Variants in ALDH16A1 observed in about 807,000 individuals in gnomAD.
ALDH16A1 encodes aldehyde dehydrogenase family 16 member A1.
Under a neutral mutation model 96.1 loss-of-function variants are expected in ALDH16A1, and 88 were observed. That is an observed-to-expected ratio of 0.92 (90% CI 0.77 to 1.09). The LOEUF (loss-of-function observed/expected upper bound fraction) is 1.09, where lower values mean the gene tolerates loss of function less well. Among genes scored for constraint, ALDH16A1 ranks in the 50% least tolerant of loss-of-function variants. The pLI, the probability that ALDH16A1 is intolerant of heterozygous loss-of-function variation, is 0.00. For synonymous variants in ALDH16A1, 522 were observed against 496.4 expected (o/e 1.05, Z -0.69); for missense variants, 1,250 against 1,112.6 (o/e 1.12, Z -1.76).
In ALDH16A1 at chr19:49,464,242, AG is replaced by A; in HGVS notation, c.1312del (p.Ala438ArgfsTer64). On this transcript the variant is annotated frameshift_variant, in exon 10 of 17. Coordinates refer to ENST00000293350, the MANE Select transcript of ALDH16A1 (RefSeq NM_153329.4). LOFTEE classifies it high-confidence loss of function. The stretch of plus-strand genomic sequence containing the variant: ...AGTGTGTGGAGCGAGAGGCTGGGGC[AG>A]GCGCTGGAGCTGGGCTATGGGTCAG... ...SASVWSERLG[Q>X]ALELGYGLQV... 1 of 1,602,904 alleles carries A rather than the reference AG, an allele frequency of 6.2e-7. No homozygotes were observed. The highest frequency in any genetic ancestry group is 8.5e-7 in the Non-Finnish European group (1 of 1,179,346).
chr19:49,463,744 G>C (rs553005500), intron 8 of ALDH16A1, 110 bp from the exon 9 acceptor site: 48 of 873,894 alleles, frequency 5.5e-5, no homozygotes, highest in Non-Finnish European at 8.7e-5. Context: ...GGGAGGAGGG[G>C]CTGGGGGCCT....
Position 49,460,808 on chromosome 19 carries a change from T to C in ALDH16A1, c.500-14T>C. 1 of 1,603,168 alleles carries C rather than the reference T, an allele frequency of 6.2e-7. No homozygotes were observed. The highest frequency in any genetic ancestry group is 8.5e-7 in the Non-Finnish European group (1 of 1,173,238). On this transcript the variant is annotated splice_polypyrimidine_tract_variant and intron_variant, in intron 4 of 16. Transcript: ENST00000293350. ...AGCCTCAAGGGATCCTCTTGCCTCA[T>C]TTTTTTCTTGCAGGAGTAATTGGCC... is the stretch of plus-strand genomic sequence containing the variant.
At position 49,461,978 on chromosome 19, in the gene ALDH16A1, C is replaced by T. The variant is rs1184857655; in HGVS notation, c.854C>T (p.Ala285Val). The T allele has an allele frequency of 1.1e-5, 17 of 1,553,794 alleles. No homozygotes were observed. Among genetic ancestry groups the T allele is most frequent in the Admixed American group, 7.7e-5 (4 of 52,060 alleles). Residue 285 changes from alanine (A) to valine (V), a missense_variant, in exon 7 of 17, where the codon GCG (alanine) becomes GTG (valine). Physicochemically the swap from Ala to Val is moderately conservative, Grantham distance 64. Coordinates refer to ENST00000293350, the MANE Select transcript of ALDH16A1 (RefSeq NM_153329.4). The part of the protein sequence containing the change: ...TESLLLLTDT[A>V]DVDSAVEGVV... ...TCGCTGCTGCTGCTGACGGACACGG[C>T]GGACGTAGACTCGGCCGTGGAGGGT...
chr19:49,468,532 C>T lies in ALDH16A1; in HGVS notation c.2090C>T (p.Ala697Val), dbSNP rs539901155. 11 of 1,604,624 alleles carry T rather than the reference C, an allele frequency of 6.9e-6. No homozygotes were observed. The highest frequency in any genetic ancestry group is 3.3e-5 in the South Asian group (3 of 91,060). ...AACACTGTGGTCATGGTGCCCAGTG[C>T]GGCCTGTCCTCTGCTGGCCCTGGAG... ...YGNTVVMVPS[A>V]ACPLLALEVC... Residue 697 changes from alanine (A) to valine (V), a missense_variant, in exon 15 of 17, where the codon GCG becomes GTG. Coordinates refer to ENST00000293350, the MANE Select transcript of ALDH16A1 (RefSeq NM_153329.4). This position sits in a 1 kb window ranked among gnomAD's most constrained non-coding sequence, Gnocchi z 4.4.
chr19:49,465,835 G>A lies in ALDH16A1; in HGVS notation c.1666G>A (p.Gly556Ser). The A allele has an allele frequency of 6.2e-7, 1 of 1,614,134 alleles. No homozygotes were observed. Among genetic ancestry groups the A allele is most frequent in the Non-Finnish European group, 8.5e-7 (1 of 1,180,012 alleles). The change falls in exon 13 of 17, where the codon GGC becomes AGC. Residue 556 changes from glycine to serine, a missense_variant. Coordinates refer to ENST00000293350, the MANE Select transcript of ALDH16A1 (RefSeq NM_153329.4). ...CCGGGATTCGTCTGGCAACCTCCAT[G>A]GCTACGTGGCTGAGGGTGGAGCCAA... ...PIRDSSGNLH[G>S]YVAEGGAKDI... is the part of the protein sequence containing the mutation.
chr19:49,461,844 G>T (rs1326396885), intron 6 of ALDH16A1, 40 bp from the exon 7 acceptor site: 4 of 1,598,414 alleles, frequency 2.5e-6, no homozygotes, highest in Admixed American at 1.7e-5. Context: ...GCTGGGGGCC[G>T]CAAGGCTCCT....
rs770453880 is a variant in ALDH16A1, at chr19:49,462,045, C to T, written c.912+9C>T. 3.4e-5 allele frequency: 52 copies of T among 1,537,108 alleles called. No homozygotes were observed. In the East Asian group the frequency reaches 9.0e-4, roughly 27 times the overall value. On this transcript the variant is annotated intron_variant, in intron 7 of 16. Coordinates refer to ENST00000293350, the MANE Select transcript of ALDH16A1 (RefSeq NM_153329.4). ...GGTCCGACCGCGGCCCGGTGAGACC[C>T]GTGCGCTCCCGTCTCCTCATACCCT...
In ALDH16A1 at chr19:49,466,586, C is replaced by T. The variant is rs993122766; in HGVS notation, c.1938+303C>T. Among the ~76,000 whole-genome samples the T allele has an allele frequency of 6.6e-5, 10 of 152,268 alleles. No homozygotes were observed. The East Asian group carries it at 1.4e-3, about 21-fold the overall frequency. ...ATTGCTGTAAAGAAACACCTGGGGG[C>T]GCAGTGGCTCACGCCTGTAATCCCA... On this transcript the variant is annotated intron_variant, in intron 14 of 16. Transcript: ENST00000293350.
At chr19:49,462,309 A>AT (rs1486984167) in intron 7 of ALDH16A1, among the ~76,000 whole-genome samples, 3 of 151,834 alleles carry the variant, frequency 2.0e-5, no homozygotes, top group Non-Finnish European at 4.4e-5. Context: ...TAATTTATGT[A>AT]TTTTTAGTAG....
chr19:49,465,173 G>A lies in ALDH16A1; in HGVS notation c.1568+411G>A, dbSNP rs145446663. Among the ~76,000 whole-genome samples the A allele has an allele frequency of 2.6e-5, 4 of 151,844 alleles. 1 individual carries two copies. The East Asian group carries it at 7.8e-4, about 30-fold the overall frequency. ...GGGAGCAGTTTAGGGTCTACCAGAG[G>A]CTCATGGGAGCAGGAGCTTAGGGTC... is the stretch of plus-strand genomic sequence containing the variant. On this transcript the variant is annotated intron_variant, in intron 12 of 16. Coordinates refer to ENST00000293350, the MANE Select transcript of ALDH16A1 (RefSeq NM_153329.4).
chr19:49,461,576 T>C (rs62128065), intron 5 of ALDH16A1, 43 bp from the exon 6 acceptor site: 30,978 of 741,200 alleles, frequency 0.042, 2,812 homozygotes, highest in Non-Finnish European at 0.054. Context: ...GAGGAGGGGC[T>C]GGGCCTGGAC....
rs1031761356 is a variant in ALDH16A1 at position 49,470,519 on chromosome 19, C to T, written c.*52C>T. 1.4e-6 allele frequency: 2 copies of T among 1,450,792 alleles called. No individual in the cohort carries two copies. The highest frequency in any genetic ancestry group is 1.8e-6 in the Non-Finnish European group (2 of 1,100,570). The allele number at this position is 1,450,792 out of a possible 1,614,324, so 89.9% of individuals were successfully genotyped here. ...GGACACCTCACACCAAGGGGAGATG[C>T]ACCCCACAGACACCTGGGACTTTCC... On this transcript the variant is annotated 3_prime_UTR_variant, in exon 17 of 17. Transcript: ENST00000293350.
At position 49,458,966 on chromosome 19, in the gene ALDH16A1, A is replaced by G. The variant is rs1463747204; in HGVS notation, c.200A>G (p.Asn67Ser). The G allele has an allele frequency of 1.9e-6, 3 of 1,612,744 alleles. No homozygotes were observed. Among genetic ancestry groups the G allele is most frequent in the Non-Finnish European group, 2.5e-6 (3 of 1,179,510 alleles). ...CCCCCACTTTTCTCCCCAGGAGAGA[A>G]CTTGGCCAGTTGCCTGCAGGCACAG... The part of the protein sequence containing the change: ...VPCQDPITGE[N>S]LASCLQAQAE... The change falls in exon 3 of 17, where the codon AAC (asparagine) becomes AGC (serine). Residue 67 changes from asparagine to serine, a missense_variant. Coordinates refer to ENST00000293350, the MANE Select transcript of ALDH16A1 (RefSeq NM_153329.4).
rs377045433 is a variant in ALDH16A1, at chr19:49,468,609, G to A, written c.2124+43G>A. On this transcript the variant is annotated intron_variant, in intron 15 of 16. Coordinates refer to ENST00000293350, the MANE Select transcript of ALDH16A1 (RefSeq NM_153329.4). The surrounding 1 kb of genome is among the most constrained non-coding windows in gnomAD (Gnocchi z 4.4). ...CCTGCCTCTCCTCCCCGTAGCCTCA[G>A]GGCAGCAGAAAAAGGCGCCCCAAAG... 1.1e-4 allele frequency: 177 copies of A among 1,585,358 alleles called. No individual in the cohort carries two copies. Among genetic ancestry groups the A allele is most frequent in the Non-Finnish European group, 1.5e-4 (173 of 1,170,516 alleles).
Position 49,454,024 on chromosome 19 carries a change from T to TCTTTTTG in ALDH16A1, c.90+603_90+604insCTTTTTG, listed in dbSNP as rs5828399. On this transcript the variant is annotated intron_variant, in intron 1 of 16. Transcript: ENST00000293350. ...AGGACTTCCGGTTTGGGTTGGGTTT[T>TCTTTTTG]TTTTTTGTTTTTTTTTTTGAGCCAG... Among the ~76,000 whole-genome samples the TCTTTTTG allele has an allele frequency of 2.6e-5, 3 of 114,048 alleles. No individual in the cohort carries two copies. The Admixed American group carries it at 2.7e-4, about 10-fold the overall frequency. The allele number at this position is 114,048 out of a possible 152,430, so 74.8% of individuals were successfully genotyped here.
Position 49,465,726 on chromosome 19 carries a change from AC to A in ALDH16A1, c.1569-9del. The A allele has an allele frequency of 6.2e-7, 1 of 1,608,612 alleles. No individual in the cohort carries two copies. The highest frequency in any genetic ancestry group is 8.5e-7 in the Non-Finnish European group (1 of 1,176,620). On this transcript the variant is annotated splice_polypyrimidine_tract_variant and intron_variant, in intron 12 of 16. Coordinates refer to ENST00000293350, the MANE Select transcript of ALDH16A1 (RefSeq NM_153329.4). ...GCCCCAGGACTCCTCCTCATGTCCC[AC>A]CCTACTCCAGCCCAGCACCCCCCTA...
At chr19:49,461,110 A>G (rs112703585) in intron 5 of ALDH16A1, among the ~76,000 whole-genome samples, 2,498 of 92,012 alleles carry the variant, frequency 0.027, 126 homozygotes, top group African/African-American at 0.11. Flanking sequence ...GAGGAGCTGG[A>G]GTCTGGACTC....
chr19:49,469,670 TC>T (rs997214217), intron 16 of ALDH16A1: 3 of 151,626 alleles, frequency 2.0e-5, no homozygotes, highest in Admixed American at 6.6e-5. Context: ...AACCTCTGCC[TC>T]CCGGGTTCAA....
At chr19:49,462,512 G>A in intron 7 of ALDH16A1, 58 bp from the exon 8 acceptor site, 2 of 1,567,470 alleles carry the variant, frequency 1.3e-6, no homozygotes, top group Non-Finnish European at 1.7e-6. Context: ...TCACTCTTCA[G>A]ATCACCAACT....
Sources: allele counts gnomAD v4.1 joint callset (sites outside exome capture counted in the v4.1 genomes callset), GRCh38; gene constraint gnomAD v4.1.1; non-coding constraint Gnocchi (gnomAD v3.1); transcripts MANE v1.5; gene names NCBI Gene and HGNC (gene_info 2026-07-23, HGNC 2026-07-21).